ANKFN1: variants seen among roughly 807,000 people sequenced by gnomAD.
The protein encoded by ANKFN1 is ankyrin repeat and fibronectin type III domain containing 1.
Under a neutral mutation model 108.7 loss-of-function variants are expected in ANKFN1, and 74 were observed. The ratio of observed to expected loss-of-function variants is 0.68; its 90% CI spans 0.56 to 0.83. The LOEUF (loss-of-function observed/expected upper bound fraction) is 0.83. Among genes scored for constraint, ANKFN1 ranks in the 40% least tolerant of loss-of-function variants. ANKFN1 has a pLI of 0.00. For synonymous variants in ANKFN1, 547 were observed against 516.2 expected (o/e 1.06, Z -0.81); for missense variants, 1,505 against 1,382.3 (o/e 1.09, Z -1.41).
chr17:56,075,103 A>T (rs761169885), intron 4 of ANKFN1, among the ~76,000 whole-genome samples: 13 of 152,194 alleles, frequency 8.5e-5, no homozygotes, highest in Non-Finnish European at 1.5e-4. Context: ...CAAGCCCAGT[A>T]CTATTGCTGC....
At chr17:56,133,845 G>A (rs1440577675) in intron 4 of ANKFN1, among the ~76,000 whole-genome samples, 2 of 151,852 alleles carry the variant, frequency 1.3e-5, no homozygotes, top group African/African-American at 4.8e-5. Flanking sequence ...CAGATGTGCA[G>A]GGATATTTTA....
At chr17:56,466,832 C>T (rs1300761645) in intron 15 of ANKFN1, among the ~76,000 whole-genome samples, 6 of 152,112 alleles carry the variant, frequency 3.9e-5, no homozygotes, top group Non-Finnish European at 7.3e-5. Flanking sequence ...TGAGGCCAGG[C>T]GCAGTGGCTC....
intron 3 of ANKFN1, among the ~76,000 whole-genome samples, chr17:56,269,359 T>A (rs924295079): frequency 2.4e-4 from 37 of 152,344 alleles, no homozygotes; most frequent in African/African-American, 8.7e-4. Flanking sequence ...TTTATTTATA[T>A]GTGTTCTGCA....
chr17:56,261,141 A>G (rs528782933), intron 3 of ANKFN1, among the ~76,000 whole-genome samples: 67 of 152,266 alleles, frequency 4.4e-4, no homozygotes, highest in African/African-American at 1.6e-3. Context: ...GTGGCACCCC[A>G]CTTGTCACCT....
Position 56,139,762 on chromosome 17 carries a change from G to A in ANKFN1, c.289-88155G>A, listed in dbSNP as rs148404303. On this transcript the variant is annotated intron_variant, in intron 4 of 12. Transcript: ENST00000635860. ...TATAGGACATTTCTTCCTATTCTCCGTAGCCTCATTGCAGCATTACACATT... is the reference window on the plus strand; with the variant it reads ...TATAGGACATTTCTTCCTATTCTCCATAGCCTCATTGCAGCATTACACATT... Among the ~76,000 whole-genome samples, 190 of 152,164 alleles carry A rather than the reference G, an allele frequency of 1.2e-3. 1 individual carries two copies. The Middle Eastern group carries it at 0.014, about 11-fold the overall frequency.
intron 2 of ANKFN1, among the ~76,000 whole-genome samples, chr17:56,213,820 C>T (rs1915221693): frequency 6.6e-6 from 1 of 152,194 alleles, no homozygotes; most frequent in Non-Finnish European, 1.5e-5. Context: ...ATGCTGAAAT[C>T]CCTTTGAGTT....
intron 3 of ANKFN1, among the ~76,000 whole-genome samples, chr17:56,322,113 C>T (rs1368572724): frequency 6.6e-6 from 1 of 152,122 alleles, no homozygotes; most frequent in Non-Finnish European, 1.5e-5. Flanking sequence ...AAGGACTCAG[C>T]TTCTGTTCTT....
intron 8 of ANKFN1, among the ~76,000 whole-genome samples, chr17:56,424,043 G>C (rs77927461): frequency 0.023 from 3,543 of 152,262 alleles, 63 homozygotes; most frequent in Middle Eastern, 0.095. Context: ...GGAGAATTTA[G>C]TCTCAGAGTT....
chr17:56,257,820 T>C (rs1222921023), intron 3 of ANKFN1: 2 of 152,272 alleles, frequency 1.3e-5, no homozygotes, highest in East Asian at 3.9e-4. Context: ...AGGAGAGGAT[T>C]TTGGAACCAA....
intron 4 of ANKFN1, among the ~76,000 whole-genome samples, chr17:56,053,752 C>A (rs183378548): frequency 6.6e-6 from 1 of 152,240 alleles, no homozygotes; most frequent in East Asian, 1.9e-4. Flanking sequence ...AGTGATCGTA[C>A]TCATTTACAT....
chr17:56,391,245 ATATG>A (rs1289164734), intron 8 of ANKFN1, among the ~76,000 whole-genome samples: 1 of 30,386 alleles, frequency 3.3e-5, no homozygotes, highest in African/African-American at 4.9e-5. Flanking sequence ...ATATATATAT[ATATG>A]TATGTGTGTG....
intron 4 of ANKFN1, among the ~76,000 whole-genome samples, chr17:56,067,559 G>A (rs1905075701): frequency 6.6e-6 from 1 of 152,132 alleles, no homozygotes; most frequent in African/African-American, 2.4e-5. Flanking sequence ...CAACCACTAA[G>A]ATTATAAGGA....
intron 3 of ANKFN1, among the ~76,000 whole-genome samples, chr17:56,230,127 G>A (rs1403688515): frequency 6.6e-6 from 1 of 152,084 alleles, no homozygotes; most frequent in Non-Finnish European, 1.5e-5. Flanking sequence ...TCCAAGTAAA[G>A]GTCCTGGAAA....
chr17:56,275,292 A>G (rs963373029), intron 3 of ANKFN1, among the ~76,000 whole-genome samples: 3 of 152,146 alleles, frequency 2.0e-5, no homozygotes, highest in Non-Finnish European at 4.4e-5. Flanking sequence ...CAAGGAGATG[A>G]ACATTATGAA....
chr17:56,106,222 G>T (rs1905749284), intron 4 of ANKFN1, among the ~76,000 whole-genome samples: 1 of 152,126 alleles, frequency 6.6e-6, no homozygotes, highest in African/African-American at 2.4e-5. Context: ...CCAACCAGGT[G>T]TGTTTCTAAA....
chr17:56,461,805 A>G (rs539576376), intron 14 of ANKFN1, among the ~76,000 whole-genome samples: 2 of 152,348 alleles, frequency 1.3e-5, no homozygotes, highest in South Asian at 4.1e-4. Flanking sequence ...CAAGTTGGAT[A>G]AATAAATATA....
intron 1 of ANKFN1, among the ~76,000 whole-genome samples, chr17:56,179,311 A>C (rs749976754): frequency 6.6e-6 from 1 of 152,206 alleles, no homozygotes; most frequent in Non-Finnish European, 1.5e-5. Flanking sequence ...AAGGGCATGG[A>C]AAACAAACTC....
At chr17:56,322,514 G>A (rs1054605293) in intron 3 of ANKFN1, among the ~76,000 whole-genome samples, 3 of 152,020 alleles carry the variant, frequency 2.0e-5, no homozygotes, top group African/African-American at 7.2e-5. Flanking sequence ...CATGGTGTTC[G>A]AGCTCTCCCC....
Position 56,512,858 on chromosome 17 carries a change from G to A in ANKFN1, c.*1589G>A, listed in dbSNP as rs1293457623. On this transcript the variant is annotated 3_prime_UTR_variant, in exon 21 of 21. Coordinates refer to ENST00000682825, the MANE Select transcript of ANKFN1 (RefSeq NM_001370326.1). ...GGCCTATGGTCATTAGAAAACTAAAGCCCAGAGCTCAGACTTTATTTTTTT... is the reference window on the plus strand; with the variant it reads ...GGCCTATGGTCATTAGAAAACTAAAACCCAGAGCTCAGACTTTATTTTTTT... Among the ~76,000 whole-genome samples the A allele has an allele frequency of 6.6e-6, 1 of 152,166 alleles. No individual in the cohort carries two copies. The highest frequency in any genetic ancestry group is 1.9e-4 in the East Asian group (1 of 5,200).
Sources: gnomAD v4.1 joint callset for allele counts (sites outside exome capture counted in the v4.1 genomes callset) on GRCh38, gnomAD v4.1.1 for gene constraint, MANE v1.5 for transcripts, NCBI Gene and HGNC (gene_info 2026-07-23, HGNC 2026-07-21) for gene names.